The following NAA40 variants were observed in gnomAD, a reference collection of about 807,000 sequenced individuals.
The protein encoded by NAA40 is N-alpha-acetyltransferase 40.
A neutral mutation model predicts 36.6 loss-of-function variants in NAA40; 26 were observed. That is an observed-to-expected ratio of 0.71 (90% confidence interval 0.52 to 0.98). The LOEUF is 0.98. Ranked by LOEUF, NAA40 falls within the 50% of genes least tolerant of loss-of-function variation. NAA40 has a pLI of 0.00. For missense variants in NAA40, 237 were observed against 306.5 expected (o/e 0.77, Z 1.69); for synonymous variants, 129 against 108.4 (o/e 1.19, Z -1.18).
intron 3 of NAA40, among the ~76,000 whole-genome samples, chr11:63,949,979 T>A (rs932860521): frequency 6.6e-6 from 1 of 151,554 alleles, no homozygotes; most frequent in East Asian, 1.9e-4. Flanking sequence ...CTCCTGACCT[T>A]GTGATCCGCC....
chr11:63,941,043 A>T (rs1298445909), intron 1 of NAA40, among the ~76,000 whole-genome samples: 1 of 152,226 alleles, frequency 6.6e-6, no homozygotes, highest in Non-Finnish European at 1.5e-5. Context: ...CAGGCCCTCA[A>T]CACCATAAGA....
intron 7 of NAA40, 44 bp downstream of exon 7, chr11:63,954,093 G>A: frequency 6.3e-7 from 1 of 1,583,414 alleles, no homozygotes; most frequent in South Asian, 1.1e-5. Context: ...AGGTGGGCCT[G>A]CCCAGGGCCA....
chr11:63,951,369 G>T (rs1942276555), intron 3 of NAA40, among the ~76,000 whole-genome samples: 1 of 152,080 alleles, frequency 6.6e-6, no homozygotes, highest in Non-Finnish European at 1.5e-5. Flanking sequence ...TGGAGACAGA[G>T]TTTCGCTCTC....
chr11:63,954,376 G>T lies in NAA40; in HGVS notation c.611G>T (p.Cys204Phe). 6.2e-7 allele frequency: 1 copy of T among 1,611,160 alleles called. No individual in the cohort carries two copies. Among genetic ancestry groups the T allele is most frequent in the Non-Finnish European group, 8.5e-7 (1 of 1,178,792 alleles). Residue 204 changes from cysteine to phenylalanine, a missense_variant, in exon 8 of 8, where the codon TGC becomes TTC. Transcript: ENST00000377793. Reference protein sequence around the residue: ...IDDSSPSMSGCCGEDCSYEIL... With the variant: ...IDDSSPSMSGFCGEDCSYEIL... ...GACTCTTCCCCCAGCATGTCCGGTT[G>T]CTGTGGGGAGGATTGCTCCTATGAG...
chr11:63,950,334 G>A (rs1942259462), intron 3 of NAA40, among the ~76,000 whole-genome samples: 1 of 152,072 alleles, frequency 6.6e-6, no homozygotes, highest in African/African-American at 2.4e-5. Context: ...GGCCAGGCTG[G>A]TCCCGAACTC....
At chr11:63,943,804 TAAAG>T (rs1942143998) in intron 1 of NAA40, among the ~76,000 whole-genome samples, 1 of 150,968 alleles carries the variant, frequency 6.6e-6, no homozygotes, top group Non-Finnish European at 1.5e-5. Flanking sequence ...CTAAAAAAAA[TAAAG>T]AAAAAAAAAG....
rs778590122 is a variant in NAA40, at chr11:63,954,442, C to T, written c.677C>T (p.Ser226Phe). ...RRTKFGDSHH[S>F]HAGGHCGGCC... ...ACCAAGTTTGGGGACAGCCATCACT[C>T]CCACGCGGGTGGGCACTGTGGTGGC... Residue 226 changes from serine (S) to phenylalanine (F), a missense_variant, in exon 8 of 8, where the codon TCC (serine) becomes TTC (phenylalanine). By Grantham distance (155) the Ser-to-Phe change is radical (BLOSUM62 -2). Coordinates refer to ENST00000377793, the MANE Select transcript of NAA40 (RefSeq NM_024771.4). The T allele has an allele frequency of 2.0e-5, 32 of 1,611,688 alleles. No homozygotes were observed. Among genetic ancestry groups the T allele is most frequent in the Non-Finnish European group, 2.5e-5 (30 of 1,178,896 alleles).
At chr11:63,947,081 A>G in intron 3 of NAA40, 78 bp downstream of exon 3, 1 of 1,423,526 alleles carries the variant, frequency 7.0e-7, no homozygotes, top group Non-Finnish European at 9.9e-7. Flanking sequence ...AGGCTTCCTC[A>G]GACACAAATT....
rs1363550231 is a variant in NAA40 at position 63,952,236 on chromosome 11, A to G, written c.156-2A>G. ...TCCGTACACGTCCTGTCCTCTTCTC[A>G]GGTTGAATGTCTCCATTGAATGTAA... On this transcript the variant is annotated splice_acceptor_variant, in intron 3 of 7. Transcript: ENST00000377793. LOFTEE classifies it high-confidence loss of function. The G allele has an allele frequency of 3.7e-6, 6 of 1,607,482 alleles. No homozygotes were observed. The highest frequency in any genetic ancestry group is 4.3e-6 in the Non-Finnish European group (5 of 1,176,042).
At chr11:63,946,761 A>G (rs748119661) in intron 2 of NAA40, 190 bp from the exon 3 acceptor site, 52 of 1,534,142 alleles carry the variant, frequency 3.4e-5, no homozygotes, top group Non-Finnish European at 4.5e-5. Context: ...CCTTTCCACC[A>G]AAGCCTTCCT....
At chr11:63,953,508 G>A (rs1942314647) in intron 6 of NAA40, among the ~76,000 whole-genome samples, 1 of 150,434 alleles carries the variant, frequency 6.6e-6, no homozygotes, top group African/African-American at 2.5e-5. Context: ...AGTGAGTGCT[G>A]TGTGGGGGTC....
intron 1 of NAA40, among the ~76,000 whole-genome samples, chr11:63,941,961 A>T (rs1295837254): frequency 7.1e-6 from 1 of 141,382 alleles, no homozygotes; most frequent in Non-Finnish European, 1.6e-5. Context: ...TACACTGCAC[A>T]TGGAAACATT....
intron 6 of NAA40, among the ~76,000 whole-genome samples, chr11:63,953,441 G>C (rs1253811152): frequency 1.3e-5 from 2 of 152,228 alleles, no homozygotes; most frequent in African/African-American, 4.8e-5. Flanking sequence ...TCTGGAAGAA[G>C]CCAGTCTGGT....
In NAA40 at chr11:63,955,271, A is replaced by G. The variant is rs1942345406; in HGVS notation, c.*792A>G. ...TGGCAGTGACTTGAGCTTTTGATTC[A>G]TAGAAGAAAGCCAGAGGTTCTGCTT... On this transcript the variant is annotated 3_prime_UTR_variant, in exon 8 of 8. Coordinates refer to ENST00000377793, the MANE Select transcript of NAA40 (RefSeq NM_024771.4). 6.6e-6 allele frequency: 1 copy of G among 152,578 alleles called. No homozygotes were observed. The highest frequency in any genetic ancestry group is 2.4e-5 in the African/African-American group (1 of 41,414). 9.5% of individuals were successfully genotyped at this position (152,578 alleles called of 1,614,324 possible).
rs1237588928 is a variant in NAA40 at position 63,956,518 on chromosome 11, C to T, written c.*2039C>T. The T allele has an allele frequency of 6.6e-6, 1 of 152,638 alleles. No homozygotes were observed. The highest frequency in any genetic ancestry group is 6.5e-5 in the Admixed American group (1 of 15,280). 9.5% of individuals were successfully genotyped at this position (152,638 alleles called of 1,614,324 possible). A position where few individuals can be genotyped will look rare whatever the true frequency, so the allele number is the denominator to read the frequency against. On this transcript the variant is annotated 3_prime_UTR_variant, in exon 8 of 8. Coordinates refer to ENST00000377793, the MANE Select transcript of NAA40 (RefSeq NM_024771.4). The stretch of plus-strand genomic sequence containing the variant: ...TGGGTGCTTGGTGCCATACCCTGCT[C>T]ACCCTAGTCTCTGCAGGCCATGTCC...
chr11:63,946,084 T>G, intron 2 of NAA40, 149 bp downstream of exon 2: 1 of 668,314 alleles, frequency 1.5e-6, no homozygotes, highest in Non-Finnish European at 2.5e-6. Context: ...ACTGAGCTCA[T>G]ACCTGTGTGT....
At chr11:63,950,749 A>G (rs545859793) in intron 3 of NAA40, among the ~76,000 whole-genome samples, 2 of 152,342 alleles carry the variant, frequency 1.3e-5, no homozygotes, top group South Asian at 2.1e-4. Context: ...GGCGTGAGCC[A>G]CTGTGCCCGG....
At chr11:63,953,009 C>G (rs1367654820) in intron 6 of NAA40, among the ~76,000 whole-genome samples, 170 bp downstream of exon 6, 1 of 149,082 alleles carries the variant, frequency 6.7e-6, no homozygotes, top group East Asian at 2.0e-4. Flanking sequence ...TATTATGACT[C>G]CAGATTTTGT....
intron 3 of NAA40, 61 bp from the exon 4 acceptor site, chr11:63,952,177 A>C (rs1942289631): frequency 7.6e-7 from 1 of 1,307,956 alleles, no homozygotes; most frequent in African/African-American, 1.5e-5. Flanking sequence ...TGAGGGAGGA[A>C]CAGCAGTGCC....
Sources: gnomAD v4.1 joint callset for allele counts (sites outside exome capture counted in the v4.1 genomes callset) on GRCh38, gnomAD v4.1.1 for gene constraint, MANE v1.5 for transcripts, NCBI Gene and HGNC (gene_info 2026-07-23, HGNC 2026-07-21) for gene names.